Variants in C10orf67 observed in about 807,000 individuals in gnomAD.
C10orf67 encodes the protein chromosome 10 open reading frame 67.
Under a neutral mutation model 35.6 loss-of-function variants are expected in C10orf67, and 60 were observed. That is an observed-to-expected ratio of 1.68 (90% CI 1.37 to 2.09). The LOEUF is 2.09. Ranked by LOEUF, C10orf67 falls within the 30% of genes most tolerant of loss-of-function variation. The pLI, the probability that C10orf67 is intolerant of heterozygous loss-of-function variation, is 0.00. For missense variants in C10orf67, 474 were observed against 330.2 expected (o/e 1.44, Z -3.38); for synonymous variants, 167 against 115.8 (o/e 1.44, Z -2.84).
At chr10:23,277,218 A>T (rs921416769) in intron 8 of C10orf67, among the ~76,000 whole-genome samples, 1 of 152,158 alleles carries the variant, frequency 6.6e-6, no homozygotes, top group African/African-American at 2.4e-5. Flanking sequence ...CATCTACGAG[A>T]ATTTAAATAT....
intron 13 of C10orf67, among the ~76,000 whole-genome samples, chr10:23,238,464 C>T (rs1473293346): frequency 1.3e-5 from 2 of 152,150 alleles, no homozygotes; most frequent in Admixed American, 6.5e-5. Flanking sequence ...CCATTAGCCT[C>T]CATGGGAAGG....
intron 15 of C10orf67, among the ~76,000 whole-genome samples, chr10:23,221,016 G>T (rs977916557): frequency 2.6e-5 from 4 of 152,056 alleles, no homozygotes; most frequent in Non-Finnish European, 5.9e-5. Flanking sequence ...TACCAAATAG[G>T]TTATAGTAAC....
intron 13 of C10orf67, among the ~76,000 whole-genome samples, chr10:23,230,556 T>C (rs1298384969): frequency 6.6e-6 from 1 of 152,130 alleles, no homozygotes; most frequent in Non-Finnish European, 1.5e-5. Context: ...TTGCAATACA[T>C]ATAACTGGTA....
intron 4 of C10orf67, among the ~76,000 whole-genome samples, chr10:23,315,395 A>T (rs1212232055): frequency 1.3e-5 from 2 of 152,188 alleles, no homozygotes; most frequent in African/African-American, 4.8e-5. Flanking sequence ...GAAATTGTAG[A>T]AGACACAAAG....
intron 13 of C10orf67, among the ~76,000 whole-genome samples, chr10:23,232,266 T>C (rs919573981): frequency 6.6e-6 from 1 of 152,120 alleles, no homozygotes; most frequent in African/African-American, 2.4e-5. Flanking sequence ...CGAGACAAAA[T>C]AAACTCTTCT....
intron 15 of C10orf67, among the ~76,000 whole-genome samples, chr10:23,218,051 C>G (rs1286386873): frequency 2.0e-5 from 3 of 152,198 alleles, no homozygotes; most frequent in Non-Finnish European, 2.9e-5. Context: ...CATCACTTCT[C>G]TAATCCAGTT....
chr10:23,324,037 A>C (rs907014897), intron 2 of C10orf67, among the ~76,000 whole-genome samples: 6 of 146,472 alleles, frequency 4.1e-5, no homozygotes, highest in African/African-American at 1.5e-4. Flanking sequence ...AGTAATGAAA[A>C]AGAGTGATTC....
chr10:23,210,218 C>T (rs1006297945), intron 15 of C10orf67, among the ~76,000 whole-genome samples: 2 of 151,944 alleles, frequency 1.3e-5, no homozygotes, highest in South Asian at 4.2e-4. Context: ...TTCCCTCAAG[C>T]AGGTTCACAT....
chr10:23,206,558 A>G (rs1436830960), intron 15 of C10orf67, among the ~76,000 whole-genome samples: 1 of 152,246 alleles, frequency 6.6e-6, no homozygotes, highest in Non-Finnish European at 1.5e-5. Flanking sequence ...GCTTGAACAC[A>G]TCAGAATTTC....
rs189832442 is a variant in C10orf67, at chr10:23,270,745, C to A, written c.976-3491G>T. Among the ~76,000 whole-genome samples the A allele has an allele frequency of 4.6e-5, 7 of 152,314 alleles. No homozygotes were observed. In the East Asian group the frequency reaches 1.2e-3, roughly 25 times the overall value. On this transcript the variant is annotated intron_variant, in intron 8 of 15. Transcript: ENST00000636213. ...GTTTGGTTGACTCAGCTGTTCTAGC[C>A]CACCAGTTCTAGGGAGTCCAGGTGG...
chr10:23,288,494 A>G (rs1031199797), intron 7 of C10orf67, among the ~76,000 whole-genome samples: 6 of 152,108 alleles, frequency 3.9e-5, no homozygotes, highest in Non-Finnish European at 7.4e-5. Flanking sequence ...AGCAGAGAGA[A>G]CTTAGAGGAT....
At chr10:23,230,592 A>G (rs1189948114) in intron 13 of C10orf67, among the ~76,000 whole-genome samples, 9 of 152,336 alleles carry the variant, frequency 5.9e-5, no homozygotes, top group African/African-American at 1.9e-4. Flanking sequence ...AGTTATATAA[A>G]TAATTCCTAT....
At chr10:23,306,794 G>C (rs1449256968) in intron 4 of C10orf67, among the ~76,000 whole-genome samples, 1 of 152,050 alleles carries the variant, frequency 6.6e-6, no homozygotes, top group Non-Finnish European at 1.5e-5. Context: ...TAATTTGATT[G>C]TGGTAATCAT....
chr10:23,323,952 TACAC>T (rs747699026), intron 2 of C10orf67, among the ~76,000 whole-genome samples: 2 of 64,700 alleles, frequency 3.1e-5, no homozygotes, highest in Admixed American at 1.8e-4. Flanking sequence ...TATATATATA[TACAC>T]ACACACACAC....
chr10:23,267,463 T>C (rs572005922), intron 8 of C10orf67, among the ~76,000 whole-genome samples: 1 of 152,300 alleles, frequency 6.6e-6, no homozygotes, highest in Non-Finnish European at 1.5e-5. Flanking sequence ...CAGGAATATA[T>C]AACATTGCAA....
intron 5 of C10orf67, among the ~76,000 whole-genome samples, chr10:23,297,762 A>G (rs928312321): frequency 2.0e-5 from 3 of 152,200 alleles, no homozygotes; most frequent in African/African-American, 7.2e-5. Context: ...AGAGTTGCAC[A>G]AGTGCGCAGT....
intron 2 of C10orf67, among the ~76,000 whole-genome samples, chr10:23,323,952 T>TATATATATATATATATATATATATACAC (rs1564513730): frequency 1.5e-5 from 1 of 64,688 alleles, no homozygotes; most frequent in African/African-American, 5.4e-5. Context: ...TATATATATA[T>TATATATATATATATATATATATATACAC]ACACACACAC....
At chr10:23,306,266 C>T (rs189799361) in intron 4 of C10orf67, among the ~76,000 whole-genome samples, 4 of 152,184 alleles carry the variant, frequency 2.6e-5, no homozygotes, top group African/African-American at 4.8e-5. Context: ...TGGCTCACGC[C>T]TGTAATCTCA....
intron 2 of C10orf67, 75 bp downstream of exon 2, chr10:23,332,987 T>C: frequency 2.8e-6 from 4 of 1,415,072 alleles, no homozygotes; most frequent in Non-Finnish European, 3.9e-6. Flanking sequence ...TATTTCACTT[T>C]TGTCTATGAA....
Sources: allele counts gnomAD v4.1 joint callset (sites outside exome capture counted in the v4.1 genomes callset), GRCh38; gene constraint gnomAD v4.1.1; transcripts MANE v1.5; gene names NCBI Gene and HGNC (gene_info 2026-07-23, HGNC 2026-07-21).